AFAP1: variants seen among roughly 807,000 people sequenced by gnomAD.
The protein encoded by AFAP1 is actin filament-associated protein 1.
A neutral mutation model predicts 93.9 loss-of-function variants in AFAP1; 75 were observed. The observed-to-expected ratio is 0.80, with a 90% CI of 0.66 to 0.97. AFAP1 has a LOEUF of 0.97. AFAP1 is among the 50% of genes least tolerant of loss of function. The pLI, the probability that AFAP1 is intolerant of heterozygous loss-of-function variation, is 0.00. For synonymous variants in AFAP1, 517 were observed against 430.7 expected (o/e 1.20, Z -2.48); for missense variants, 1,201 against 1,050.8 (o/e 1.14, Z -1.98).
chr4:7,897,008 C>G (rs908046081), intron 1 of AFAP1, among the ~76,000 whole-genome samples: 2 of 152,076 alleles, frequency 1.3e-5, no homozygotes, highest in Non-Finnish European at 2.9e-5. Flanking sequence ...CTTCTCTTCC[C>G]AACCTCTGAA....
At chr4:7,863,802 A>G (rs977542885) in intron 3 of AFAP1, among the ~76,000 whole-genome samples, 15 of 152,358 alleles carry the variant, frequency 9.8e-5, no homozygotes, top group Admixed American at 8.5e-4. Flanking sequence ...AATACAAAAC[A>G]CTATAACAAA....
chr4:7,832,013 A>G (rs1711681762), intron 6 of AFAP1, among the ~76,000 whole-genome samples: 1 of 152,140 alleles, frequency 6.6e-6, no homozygotes, highest in African/African-American at 2.4e-5. Flanking sequence ...CTTGATCGCT[A>G]TGGATCATGG....
intron 1 of AFAP1, among the ~76,000 whole-genome samples, chr4:7,915,858 A>G (rs1048841118): frequency 6.6e-6 from 1 of 152,270 alleles, no homozygotes; most frequent in Admixed American, 6.5e-5. Context: ...TCTACATACA[A>G]TTAGCAAGGA....
At chr4:7,799,793 T>C (rs1237817660) in intron 10 of AFAP1, among the ~76,000 whole-genome samples, 1 of 152,132 alleles carries the variant, frequency 6.6e-6, no homozygotes, top group African/African-American at 2.4e-5. Context: ...TAATGAAAGT[T>C]TTGAGTATGT....
At chr4:7,907,927 T>C (rs1420199495) in intron 1 of AFAP1, among the ~76,000 whole-genome samples, 1 of 152,168 alleles carries the variant, frequency 6.6e-6, no homozygotes, top group African/African-American at 2.4e-5. Context: ...CCCACAGATA[T>C]TTAAAAGCAT....
At chr4:7,912,410 T>C (rs918194879) in intron 1 of AFAP1, among the ~76,000 whole-genome samples, 3 of 152,230 alleles carry the variant, frequency 2.0e-5, no homozygotes. Context: ...CCATCTTCCA[T>C]TCCTGCCAGC....
Position 7,939,717 on chromosome 4 carries a change from G to A in AFAP1, c.-64C>T. ...CGGCGCCTGGGCCGACTGGAGCGCA[G>A]CTGAACAGCCGACAGAGCCGCAGCC... On this transcript the variant is annotated 5_prime_UTR_variant, in exon 1 of 18. Coordinates refer to ENST00000420658, the MANE Select transcript of AFAP1 (RefSeq NM_001134647.2). This position sits in a 1 kb window ranked among gnomAD's most constrained non-coding sequence, Gnocchi z 5.6. 4.8e-6 allele frequency: 2 copies of A among 414,046 alleles called. No individual in the cohort carries two copies. Among genetic ancestry groups the A allele is most frequent in the Middle Eastern group, 7.1e-4 (1 of 1,414 alleles). The allele number at this position is 414,046 out of a possible 1,614,324, so 25.6% of individuals were successfully genotyped here. A position where few individuals can be genotyped will look rare whatever the true frequency, so the allele number is the denominator to read the frequency against.
At chr4:7,875,928 G>C (rs62289335) in intron 1 of AFAP1, among the ~76,000 whole-genome samples, 50,644 of 151,724 alleles carry the variant, frequency 0.33, 9,520 homozygotes, top group Non-Finnish European at 0.44. Context: ...CTAGTGGTGG[G>C]GAGAATGTAG....
At chr4:7,805,944 T>C (rs9790484) in intron 9 of AFAP1, among the ~76,000 whole-genome samples, 58,409 of 151,916 alleles carry the variant, frequency 0.38, 11,928 homozygotes, top group East Asian at 0.77. Flanking sequence ...CAGAGTAGAA[T>C]GAGGTGAGCC....
intron 3 of AFAP1, among the ~76,000 whole-genome samples, chr4:7,860,783 A>G (rs910213208): frequency 2.6e-5 from 4 of 152,156 alleles, no homozygotes; most frequent in Non-Finnish European, 4.4e-5. Flanking sequence ...CAAACCGAAC[A>G]ACCAAGACTG....
intron 3 of AFAP1, among the ~76,000 whole-genome samples, chr4:7,861,324 C>T (rs886123845): frequency 6.6e-6 from 1 of 152,230 alleles, no homozygotes; most frequent in Non-Finnish European, 1.5e-5. Flanking sequence ...CCGCTTGCTG[C>T]TCATCTGCAG....
chr4:7,811,272 G>C (rs1053462366), intron 8 of AFAP1, among the ~76,000 whole-genome samples: 5 of 149,750 alleles, frequency 3.3e-5, no homozygotes, highest in Non-Finnish European at 5.9e-5. Flanking sequence ...GGAGATCACA[G>C]ACACTTCAGA....
rs58075483 is a variant in AFAP1, at chr4:7,827,569, C to CAAAAAAA, written c.727-8405_727-8399dup. Among the ~76,000 whole-genome samples, 177 of 52,232 alleles carry CAAAAAAA rather than the reference C, an allele frequency of 3.4e-3. 8 individuals carry two copies. Among genetic ancestry groups the CAAAAAAA allele is most frequent in the African/African-American group, 9.7e-3 (121 of 12,504 alleles). 34.3% of individuals were successfully genotyped at this position (52,232 alleles called of 152,430 possible). ...ATGAACAAGAGTGAAACTCTGTCTC[C>CAAAAAAA]AAAAAAAAAAAAAAAAAAAAAGGGA... On this transcript the variant is annotated intron_variant, in intron 6 of 17. Coordinates refer to ENST00000420658, the MANE Select transcript of AFAP1 (RefSeq NM_001134647.2).
chr4:7,913,546 G>A (rs1464275815), intron 1 of AFAP1, among the ~76,000 whole-genome samples: 3 of 152,112 alleles, frequency 2.0e-5, no homozygotes, highest in Non-Finnish European at 4.4e-5. Flanking sequence ...TTAAAATTCT[G>A]ATTCCTACCT....
At chr4:7,845,098 AGAGTTT>A (rs969721779) in intron 4 of AFAP1, among the ~76,000 whole-genome samples, 65 of 152,312 alleles carry the variant, frequency 4.3e-4, no homozygotes, top group African/African-American at 1.5e-3. Flanking sequence ...AGAAAGATTT[AGAGTTT>A]AAGTTGAATT....
At chr4:7,820,688 C>T (rs1367363865) in intron 6 of AFAP1, among the ~76,000 whole-genome samples, 3 of 152,046 alleles carry the variant, frequency 2.0e-5, no homozygotes, top group Admixed American at 6.5e-5. Context: ...CAAAGGAAGG[C>T]GTTTCCAAAG....
chr4:7,854,654 T>C (rs999996049), intron 4 of AFAP1, among the ~76,000 whole-genome samples: 7 of 152,180 alleles, frequency 4.6e-5, no homozygotes, highest in African/African-American at 1.7e-4. Context: ...GCAAAGAAGA[T>C]CAATGCACCA....
chr4:7,816,109 G>C lies in AFAP1; in HGVS notation c.823-10C>G. The C allele has an allele frequency of 6.2e-7, 1 of 1,605,416 alleles. No individual in the cohort carries two copies. The highest frequency in any genetic ancestry group is 8.5e-7 in the Non-Finnish European group (1 of 1,175,692). ...TCTCTGAAGACAGTTTCTGTAAGGA[G>C]AAAAAGATTAAGTTATTCTTACAGT... is the stretch of plus-strand genomic sequence containing the variant. On this transcript the variant is annotated splice_polypyrimidine_tract_variant and intron_variant, in intron 7 of 17. Coordinates refer to ENST00000420658, the MANE Select transcript of AFAP1 (RefSeq NM_001134647.2).
At chr4:7,768,692 C>T (rs1025953636) in intron 17 of AFAP1, 152 bp downstream of exon 17, 7 of 994,910 alleles carry the variant, frequency 7.0e-6, no homozygotes, top group African/African-American at 6.7e-5. Context: ...GGTGAGAACT[C>T]GATAAGCACC....
Sources: allele counts gnomAD v4.1 joint callset (sites outside exome capture counted in the v4.1 genomes callset), GRCh38; gene constraint gnomAD v4.1.1; non-coding constraint Gnocchi (gnomAD v3.1); transcripts MANE v1.5; gene names NCBI Gene and HGNC (gene_info 2026-07-23, HGNC 2026-07-21).